ASNS: variants seen among roughly 807,000 people sequenced by gnomAD.
ASNS encodes the protein asparagine synthetase [glutamine-hydrolyzing].
ASNS carries 37 observed loss-of-function variants against 62.6 expected under a neutral mutation model. That is an observed-to-expected ratio of 0.59 (90% confidence interval 0.45 to 0.78). The LOEUF is 0.78. Ranked by LOEUF, ASNS falls within the 30% of genes least tolerant of loss-of-function variation. ASNS has a pLI of 0.00. For synonymous variants in ASNS, 207 were observed against 237.9 expected (o/e 0.87, Z 1.19); for missense variants, 520 against 682.4 (o/e 0.76, Z 2.65).
chr7:97,882,611 C>T, the ASNS span, among the ~76,000 whole-genome samples: 2 of 139,054 alleles, frequency 1.4e-5, 1 homozygote, highest in Admixed American at 1.4e-4. Flanking sequence ...ACTCCATTGA[C>T]TTACAGAGAG....
At chr7:97,862,269 A>AAT (rs1791756793) in intron 4 of ASNS, among the ~76,000 whole-genome samples, 1 of 152,168 alleles carries the variant, frequency 6.6e-6, no homozygotes, top group South Asian at 2.1e-4. Flanking sequence ...AAAGTATAAT[A>AAT]ATAATAATAA....
At chr7:97,881,274 A>T in the ASNS span, among the ~76,000 whole-genome samples, 1 of 152,164 alleles carries the variant, frequency 6.6e-6, no homozygotes, top group East Asian at 1.9e-4. Context: ...TTCACATAAC[A>T]TACAAGTCCC....
intron 4 of ASNS, among the ~76,000 whole-genome samples, chr7:97,860,719 G>T (rs1348018966): frequency 6.6e-6 from 1 of 152,196 alleles, no homozygotes; most frequent in Non-Finnish European, 1.5e-5. Context: ...GCACAGGTAA[G>T]GGATAAAAGA....
At chr7:97,854,538 G>T in intron 10 of ASNS, 42 bp downstream of exon 10, 1 of 1,587,384 alleles carries the variant, frequency 6.3e-7, no homozygotes, top group East Asian at 2.2e-5. Context: ...TGTTTTTGGT[G>T]TTTTTTTGTT....
At chr7:97,896,480 GC>G in the ASNS span, among the ~76,000 whole-genome samples, 8 of 147,790 alleles carry the variant, frequency 5.4e-5, no homozygotes, top group Admixed American at 4.8e-4. Flanking sequence ...TGTAGTCCCA[GC>G]AGCTACTCAG....
intron 4 of ASNS, 145 bp downstream of exon 4, chr7:97,864,114 T>C: frequency 1.5e-6 from 1 of 679,312 alleles, no homozygotes; most frequent in Admixed American, 3.0e-5. Flanking sequence ...GTACAACTCC[T>C]CTGTTTTTTT....
the ASNS span, chr7:97,908,121 G>C: frequency 6.7e-6 from 1 of 150,296 alleles, no homozygotes; most frequent in Non-Finnish European, 1.5e-5. Context: ...AGAGCTAAAG[G>C]GAGGGACTGT....
chr7:97,906,299 T>C, the ASNS span: 1 of 414,036 alleles, frequency 2.4e-6, no homozygotes, highest in Non-Finnish European at 4.7e-6. Flanking sequence ...CAAAACCATC[T>C]CTTGAGTGGA....
At chr7:97,865,675 T>C (rs958688676) in intron 3 of ASNS, among the ~76,000 whole-genome samples, 13 of 152,236 alleles carry the variant, frequency 8.5e-5, no homozygotes, top group African/African-American at 2.7e-4. Flanking sequence ...TTATCACTGC[T>C]GCTCATAGAA....
chr7:97,922,364 A>C, the ASNS span, among the ~76,000 whole-genome samples: 4,121 of 135,450 alleles, frequency 0.03, 100 homozygotes, highest in African/African-American at 0.08. Flanking sequence ...AGATTGTCTC[A>C]AAAAAAAAAG....
Position 97,872,365 on chromosome 7 carries a change from G to A in ASNS, c.-74C>T, listed in dbSNP as rs780531997. On this transcript the variant is annotated 5_prime_UTR_variant, in exon 1 of 13. Transcript: ENST00000394308. ...ACCCGGCTCACCTGGGCGTAAGCAGGTCAGGGTGATGTGGCGGGCTGAGGC... is the reference window on the plus strand; with the variant it reads ...ACCCGGCTCACCTGGGCGTAAGCAGATCAGGGTGATGTGGCGGGCTGAGGC... The A allele has an allele frequency of 6.7e-6, 1 of 149,434 alleles. No individual in the cohort carries two copies. The highest frequency in any genetic ancestry group is 2.0e-4 in the East Asian group (1 of 5,060). 9.3% of individuals were successfully genotyped at this position (149,434 alleles called of 1,614,324 possible).
intron 2 of ASNS, 41 bp downstream of exon 2, chr7:97,869,737 G>T: frequency 6.5e-6 from 1 of 152,844 alleles, no homozygotes; most frequent in Admixed American, 6.5e-5. Flanking sequence ...TAAAAGATAC[G>T]CAGCTCTTTC....
At chr7:97,905,506 CA>C in the ASNS span, among the ~76,000 whole-genome samples, 1 of 152,302 alleles carries the variant, frequency 6.6e-6, no homozygotes, top group South Asian at 2.1e-4. Flanking sequence ...AAATAAATTC[CA>C]AACCATATTT....
At chr7:97,905,828 G>A in the ASNS span, among the ~76,000 whole-genome samples, 1 of 152,192 alleles carries the variant, frequency 6.6e-6, no homozygotes, top group Non-Finnish European at 1.5e-5. Context: ...TATGTGCCAG[G>A]TGTTTAACAT....
the ASNS span, among the ~76,000 whole-genome samples, chr7:97,911,100 A>T: frequency 6.6e-6 from 1 of 152,248 alleles, no homozygotes; most frequent in Non-Finnish European, 1.5e-5. Context: ...TTGATTAGGT[A>T]TGACAATGAT....
At chr7:97,887,699 C>T in the ASNS span, among the ~76,000 whole-genome samples, 1 of 151,658 alleles carries the variant, frequency 6.6e-6, no homozygotes, top group African/African-American at 2.4e-5. Flanking sequence ...CAATCCTCAG[C>T]TGACCCATAG....
At chr7:97,904,711 T>C in the ASNS span, among the ~76,000 whole-genome samples, 1 of 112,476 alleles carries the variant, frequency 8.9e-6, no homozygotes, top group Non-Finnish European at 1.8e-5. Context: ...TTCTACCCCA[T>C]GGCATTTCAT....
the ASNS span, among the ~76,000 whole-genome samples, chr7:97,878,802 T>A: frequency 2.0e-5 from 3 of 152,112 alleles, no homozygotes; most frequent in East Asian, 5.8e-4. Flanking sequence ...TACTTTAAAG[T>A]TCATATGGAA....
At chr7:97,854,485 T>C (rs1791338769) in intron 10 of ASNS, 95 bp downstream of exon 10, 5 of 1,463,426 alleles carry the variant, frequency 3.4e-6, no homozygotes, top group East Asian at 2.3e-5. Context: ...CAATCAGCTA[T>C]TGATTTTTAT....
Sources: allele counts gnomAD v4.1 joint callset (sites outside exome capture counted in the v4.1 genomes callset), GRCh38; gene constraint gnomAD v4.1.1; transcripts MANE v1.5; gene names NCBI Gene and HGNC (gene_info 2026-07-23, HGNC 2026-07-21).